The following LIPI variants were observed in gnomAD, a reference collection of about 807,000 sequenced individuals.
LIPI encodes lipase member I.
In LIPI, 59 loss-of-function variants were observed where a neutral mutation model predicts 50.6. The ratio of observed to expected loss-of-function variants is 1.16; its 90% CI spans 0.94 to 1.45. The LOEUF is 1.45. Ranked by LOEUF, LIPI falls within the 40% of genes most tolerant of loss-of-function variation. The pLI, the probability that LIPI is intolerant of heterozygous loss-of-function variation, is 0.00. For missense variants in LIPI, 586 were observed against 536.3 expected (o/e 1.09, Z -0.92); for synonymous variants, 203 against 178.2 (o/e 1.14, Z -1.11).
chr21:14,154,426 C>A (rs535140790), intron 7 of LIPI, among the ~76,000 whole-genome samples: 1 of 151,894 alleles, frequency 6.6e-6, no homozygotes, highest in African/African-American at 2.4e-5. Flanking sequence ...TGAAAAGCTA[C>A]TACTAGGATA....
At chr21:14,201,880 A>T (rs2020066866) in intron 1 of LIPI, among the ~76,000 whole-genome samples, 1 of 152,166 alleles carries the variant, frequency 6.6e-6, no homozygotes, top group Non-Finnish European at 1.5e-5. Flanking sequence ...CAATTAGGAA[A>T]AGAGGAAGTC....
At chr21:14,179,705 G>T (rs933684014) in intron 4 of LIPI, among the ~76,000 whole-genome samples, 23 of 149,860 alleles carry the variant, frequency 1.5e-4, no homozygotes, top group African/African-American at 5.2e-4. Context: ...TCTTATGCCT[G>T]TCTTTACTTT....
At chr21:14,116,904 G>T (rs998023483) in intron 9 of LIPI, among the ~76,000 whole-genome samples, 1 of 152,172 alleles carries the variant, frequency 6.6e-6, no homozygotes. Flanking sequence ...CCCGCCAGAG[G>T]AGCTAGAGAC....
intron 1 of LIPI, among the ~76,000 whole-genome samples, chr21:14,204,371 G>GA (rs1344720045): frequency 2.7e-5 from 4 of 150,260 alleles, no homozygotes; most frequent in African/African-American, 4.9e-5. Context: ...GAGAAAAGAG[G>GA]AAAAAATGAA....
chr21:14,196,749 C>G (rs2019875669), intron 1 of LIPI, among the ~76,000 whole-genome samples: 1 of 152,014 alleles, frequency 6.6e-6, no homozygotes, highest in East Asian at 1.9e-4. Flanking sequence ...TTGCTTGAAC[C>G]CAGAAGATCA....
intron 1 of LIPI, among the ~76,000 whole-genome samples, chr21:14,204,997 A>G (rs1368531431): frequency 6.6e-6 from 1 of 151,798 alleles, no homozygotes; most frequent in Admixed American, 6.6e-5. Context: ...AATATAAGGT[A>G]GGAAAGGAAC....
At chr21:14,152,463 ACT>A (rs1485475104) in intron 8 of LIPI, 108 bp downstream of exon 8, 8 of 632,660 alleles carry the variant, frequency 1.3e-5, no homozygotes, top group Admixed American at 8.7e-5. Flanking sequence ...ACATTTTAAG[ACT>A]CTCTAGATTA....
At chr21:14,139,632 A>G (rs1407077395) in intron 9 of LIPI, among the ~76,000 whole-genome samples, 1 of 152,182 alleles carries the variant, frequency 6.6e-6, no homozygotes. Context: ...AGTACAGAGG[A>G]CAGTATAGAT....
At chr21:14,152,314 A>C (rs1170831246) in intron 8 of LIPI, among the ~76,000 whole-genome samples, 2 of 151,938 alleles carry the variant, frequency 1.3e-5, no homozygotes, top group Admixed American at 1.3e-4. Context: ...GTTAGCCAGG[A>C]TGGTCTCCAT....
At chr21:14,161,633 A>G (rs190440365) in intron 7 of LIPI, among the ~76,000 whole-genome samples, 5,186 of 100,500 alleles carry the variant, frequency 0.052, 388 homozygotes, top group African/African-American at 0.11. Flanking sequence ...ATATATTAAT[A>G]TATAATATAT....
intron 4 of LIPI, among the ~76,000 whole-genome samples, chr21:14,170,228 T>C (rs935530405): frequency 6.6e-6 from 1 of 152,114 alleles, no homozygotes; most frequent in Admixed American, 6.5e-5. Flanking sequence ...ATCAATAGCT[T>C]ACCAACCAAA....
In LIPI at chr21:14,163,456, A is replaced by G; in HGVS notation, c.969T>C (p.Thr323=). Residue 323 remains threonine, a synonymous_variant, in exon 7 of 10, where the codon ACT becomes ACC. Transcript: ENST00000681601. ...ERMEGRPLRT[T]VFLDTSGTYP... Reference sequence around the variant, plus strand: ...ATGTACCACTTGTATCCAAAAACACAGTGGTCCTAAGAGGTCTTCCTTCCA... The same window carrying G: ...ATGTACCACTTGTATCCAAAAACACGGTGGTCCTAAGAGGTCTTCCTTCCA... The G allele has an allele frequency of 6.3e-7, 1 of 1,575,072 alleles. No homozygotes were observed.
intron 1 of LIPI, among the ~76,000 whole-genome samples, chr21:14,196,837 C>A (rs1050262225): frequency 4.0e-5 from 6 of 151,772 alleles, no homozygotes; most frequent in African/African-American, 1.2e-4. Flanking sequence ...ACAACAACAA[C>A]AAAAAATAAT....
intron 2 of LIPI, among the ~76,000 whole-genome samples, chr21:14,187,897 C>T (rs1423651179): frequency 6.6e-6 from 1 of 152,010 alleles, no homozygotes; most frequent in Non-Finnish European, 1.5e-5. Flanking sequence ...TGTAATTGTT[C>T]AAAATTACAC....
At chr21:14,130,508 T>C (rs1164034131) in intron 9 of LIPI, among the ~76,000 whole-genome samples, 1 of 152,212 alleles carries the variant, frequency 6.6e-6, no homozygotes, top group East Asian at 1.9e-4. Flanking sequence ...ACTACCATGC[T>C]ATGGGCTGCT....
chr21:14,165,412 A>G (rs774673432), intron 5 of LIPI, 22 bp from the exon 6 acceptor site: 1 of 1,557,526 alleles, frequency 6.4e-7, no homozygotes, highest in Non-Finnish European at 8.8e-7. Context: ...AAAAAAAAAC[A>G]AAGAACTGTA....
intron 9 of LIPI, among the ~76,000 whole-genome samples, chr21:14,116,575 T>G (rs926965565): frequency 6.6e-6 from 1 of 152,196 alleles, no homozygotes; most frequent in Non-Finnish European, 1.5e-5. Context: ...CCGCAGAGGC[T>G]AAGAACCCTT....
Position 14,170,482 on chromosome 21 carries a change from C to G in LIPI, c.644-4031G>C, listed in dbSNP as rs546778038. Among the ~76,000 whole-genome samples the G allele has an allele frequency of 3.7e-3, 557 of 152,172 alleles. 4 individuals are homozygous for G. Among genetic ancestry groups the G allele is most frequent in the African/African-American group, 0.013 (528 of 41,516 alleles). On this transcript the variant is annotated intron_variant, in intron 4 of 9. Transcript: ENST00000681601. ...AATCCTCAATAAAATACTGGCAAACCGAATCCAGCAGCACATCAAGAAGCT... is the reference window on the plus strand; with the variant it reads ...AATCCTCAATAAAATACTGGCAAACGGAATCCAGCAGCACATCAAGAAGCT...
At chr21:14,151,711 A>G (rs1440853716) in intron 8 of LIPI, among the ~76,000 whole-genome samples, 1 of 152,182 alleles carries the variant, frequency 6.6e-6, no homozygotes, top group Non-Finnish European at 1.5e-5. Flanking sequence ...CTAGTTTAAG[A>G]ATTTATTAAA....
Sources: gnomAD v4.1 joint callset for allele counts (sites outside exome capture counted in the v4.1 genomes callset) on GRCh38, gnomAD v4.1.1 for gene constraint, MANE v1.5 for transcripts, NCBI Gene and HGNC (gene_info 2026-07-23, HGNC 2026-07-21) for gene names.